HUNK: variants seen among roughly 807,000 people sequenced by gnomAD.
HUNK encodes the protein hormonally up-regulated Neu-associated kinase.
In HUNK, 21 loss-of-function variants were observed where a neutral mutation model predicts 61.0. The ratio of observed to expected loss-of-function variants is 0.34; its 90% CI spans 0.24 to 0.50. The LOEUF is 0.50. Ranked by LOEUF, HUNK falls within the 20% of genes least tolerant of loss-of-function variation. The pLI, the probability that HUNK is intolerant of heterozygous loss-of-function variation, is 0.98. For missense variants in HUNK, 772 were observed against 945.7 expected, an observed-to-expected ratio of 0.82 and a Z score of 2.41; for synonymous variants, 371 against 386.1, an observed-to-expected ratio of 0.96 and a Z score of 0.46.
chr21:31,888,115 G>T (rs2052360224), intron 1 of HUNK, among the ~76,000 whole-genome samples: 1 of 152,088 alleles, frequency 6.6e-6, no homozygotes, highest in Admixed American at 6.6e-5. Context: ...GTTTGCCCAG[G>T]ACTCTCTTAA....
Position 31,962,639 on chromosome 21 carries a change from A to G in HUNK, c.874+3669A>G, listed in dbSNP as rs373573724. ...GCTTGTTAAAGATCTTCACATTCCT[A>G]CAGGACTTTGTTGTCTTCACTTGTC... On this transcript the variant is annotated intron_variant, in intron 5 of 10. Transcript: ENST00000270112. Among the ~76,000 whole-genome samples, 12 of 152,322 alleles carry G rather than the reference A, an allele frequency of 7.9e-5. No homozygotes were observed. In the East Asian group the frequency reaches 1.4e-3, roughly 17 times the overall value.
At position 31,873,958 on chromosome 21, in the gene HUNK, G is replaced by A; in HGVS notation, c.261+23G>A. 6.8e-7 allele frequency: 1 copy of A among 1,471,922 alleles called. No individual in the cohort carries two copies. The highest frequency in any genetic ancestry group is 1.3e-5 in the South Asian group (1 of 74,442). The allele number at this position is 1,471,922 out of a possible 1,614,324, so 91.2% of individuals were successfully genotyped here. ...AAGGTGAGTCTCCCGGGCGCCGTGG[G>A]GCTGGGGCACAGGGGCGGGAGTCGG... On this transcript the variant is annotated intron_variant, in intron 1 of 10. Coordinates refer to ENST00000270112, the MANE Select transcript of HUNK (RefSeq NM_014586.2). The surrounding 1 kb of genome is among the most constrained non-coding windows in gnomAD (Gnocchi z 6.1).
chr21:31,999,524 A>G lies in HUNK; in HGVS notation c.*340A>G, dbSNP rs1391837412. The G allele has an allele frequency of 1.1e-5, 3 of 278,728 alleles. No homozygotes were observed. In the East Asian group the frequency reaches 2.1e-4, roughly 20 times the overall value. 17.3% of individuals were successfully genotyped at this position (278,728 alleles called of 1,614,324 possible). The stretch of plus-strand genomic sequence containing the variant: ...TGGGGCACTCAGATTATGGACTGTT[A>G]CCAGATCTTTCTTCACGCTGTGCTA... On this transcript the variant is annotated 3_prime_UTR_variant, in exon 11 of 11. Coordinates refer to ENST00000270112, the MANE Select transcript of HUNK (RefSeq NM_014586.2).
At chr21:31,930,616 C>T (rs569145210) in intron 2 of HUNK, among the ~76,000 whole-genome samples, 13 of 152,352 alleles carry the variant, frequency 8.5e-5, no homozygotes, top group Non-Finnish European at 1.6e-4. Context: ...CTGCCTTCTG[C>T]ACAGGCCATA....
chr21:31,944,514 C>T (rs1156790928), intron 3 of HUNK, among the ~76,000 whole-genome samples: 3 of 151,990 alleles, frequency 2.0e-5, no homozygotes, highest in African/African-American at 7.3e-5. Context: ...CAGAGACAGT[C>T]CCACACCCAT....
At chr21:31,953,259 T>G (rs554522504) in intron 4 of HUNK, among the ~76,000 whole-genome samples, 101 of 151,264 alleles carry the variant, frequency 6.7e-4, no homozygotes, top group African/African-American at 2.1e-3. Context: ...TTTTTTTTTT[T>G]GGGATGGAGT....
intron 2 of HUNK, among the ~76,000 whole-genome samples, chr21:31,935,849 A>T (rs1417923360): frequency 2.0e-5 from 3 of 151,744 alleles, no homozygotes; most frequent in East Asian, 1.9e-4. Flanking sequence ...ATGGAGTCTC[A>T]CTCTGTCGCC....
Position 31,873,694 on chromosome 21 carries a change from A to G in HUNK, c.20A>G (p.Asp7Gly). 1 of 1,091,590 alleles carries G rather than the reference A, an allele frequency of 9.2e-7. No individual in the cohort carries two copies. Among genetic ancestry groups the G allele is most frequent in the Non-Finnish European group, 1.1e-6 (1 of 899,176 alleles). 67.6% of individuals were successfully genotyped at this position (1,091,590 alleles called of 1,614,324 possible). The change falls in exon 1 of 11, where the codon GAC (aspartate) becomes GGC (glycine). Residue 7 changes from aspartate to glycine, a missense_variant. Transcript: ENST00000270112. This position sits in a 1 kb window ranked among gnomAD's most constrained non-coding sequence, Gnocchi z 6.1. ...AGCGCGATGCCGGCGGCGGCGGGGG[A>G]CGGGCTCCTGGGGGAGCCGGCGGCG... The part of the protein sequence containing the change: MPAAAG[D>G]GLLGEPAAPG...
intron 1 of HUNK, among the ~76,000 whole-genome samples, chr21:31,910,540 G>A (rs896024089): frequency 3.3e-5 from 5 of 149,914 alleles, no homozygotes; most frequent in African/African-American, 4.9e-5. Flanking sequence ...TCAGGCTGGA[G>A]TACAATGGCG....
intron 5 of HUNK, among the ~76,000 whole-genome samples, chr21:31,965,486 G>A (rs1329443695): frequency 2.0e-5 from 3 of 151,492 alleles, no homozygotes; most frequent in South Asian, 2.1e-4. Flanking sequence ...TTTAAAGTAC[G>A]TTGCTGGAAA....
At chr21:31,997,637 A>G (rs561684795) in intron 10 of HUNK, among the ~76,000 whole-genome samples, 3 of 152,302 alleles carry the variant, frequency 2.0e-5, no homozygotes, top group African/African-American at 7.2e-5. Flanking sequence ...AGTTCTGGAG[A>G]TTGATTCTAC....
At chr21:31,894,918 G>A (rs2052415032) in intron 1 of HUNK, among the ~76,000 whole-genome samples, 1 of 152,168 alleles carries the variant, frequency 6.6e-6, no homozygotes, top group South Asian at 2.1e-4. Context: ...GCACCCAGTA[G>A]TTAGAGCTAA....
chr21:31,876,047 AT>A (rs911607179), intron 1 of HUNK, among the ~76,000 whole-genome samples: 2 of 152,166 alleles, frequency 1.3e-5, no homozygotes, highest in African/African-American at 4.8e-5. Context: ...CCCAAATAGG[AT>A]TCACATGAAG....
At chr21:31,991,148 C>T (rs1362508864) in intron 9 of HUNK, among the ~76,000 whole-genome samples, 1 of 152,110 alleles carries the variant, frequency 6.6e-6, no homozygotes, top group Non-Finnish European at 1.5e-5. Flanking sequence ...TTTCTGTTAC[C>T]ACCTGTATGA....
At chr21:31,980,809 A>C (rs898619772) in intron 7 of HUNK, among the ~76,000 whole-genome samples, 1 of 152,172 alleles carries the variant, frequency 6.6e-6, no homozygotes, top group Non-Finnish European at 1.5e-5. Flanking sequence ...GGTTCAAGCG[A>C]TTCTCCTGCC....
At chr21:31,901,469 A>G (rs893519266) in intron 1 of HUNK, among the ~76,000 whole-genome samples, 2 of 152,274 alleles carry the variant, frequency 1.3e-5, no homozygotes, top group South Asian at 4.2e-4. Context: ...GCTTGGTGGC[A>G]GGAATGATGA....
At chr21:31,953,958 C>G (rs1291854789) in intron 4 of HUNK, among the ~76,000 whole-genome samples, 1 of 152,214 alleles carries the variant, frequency 6.6e-6, no homozygotes, top group African/African-American at 2.4e-5. Context: ...ATCTGTTAAT[C>G]TTATCTGTGG....
chr21:31,967,815 G>A (rs1469136647), intron 5 of HUNK, among the ~76,000 whole-genome samples: 1 of 152,096 alleles, frequency 6.6e-6, no homozygotes, highest in African/African-American at 2.4e-5. Context: ...GGCATTTTCT[G>A]TTTATTTTCT....
chr21:31,973,424 G>C (rs1057244285), intron 6 of HUNK, among the ~76,000 whole-genome samples: 4 of 152,102 alleles, frequency 2.6e-5, no homozygotes, highest in Admixed American at 6.6e-5. Context: ...TTCTGTCCTT[G>C]CGATAGTTTG....
Sources: allele counts gnomAD v4.1 joint callset (sites outside exome capture counted in the v4.1 genomes callset), GRCh38; gene constraint gnomAD v4.1.1; non-coding constraint Gnocchi (gnomAD v3.1); transcripts MANE v1.5; gene names NCBI Gene and HGNC (gene_info 2026-07-23, HGNC 2026-07-21).